The following OVCH1 variants were observed in gnomAD, a reference collection of about 807,000 sequenced individuals.
OVCH1 encodes the protein ovochymase-1.
OVCH1 carries 139 observed loss-of-function variants against 138.4 expected under a neutral mutation model. The ratio of observed to expected loss-of-function variants is 1.00; its 90% CI spans 0.87 to 1.16. The LOEUF (loss-of-function observed/expected upper bound fraction) is 1.16. OVCH1 is among the 50% of genes most tolerant of loss of function. OVCH1 has a pLI of 0.00. For missense variants in OVCH1, 1,367 were observed against 1,357.9 expected (o/e 1.01, Z -0.11); for synonymous variants, 453 against 467.8 (o/e 0.97, Z 0.41).
At chr12:29,440,950 T>C (rs963327545) in intron 25 of OVCH1, among the ~76,000 whole-genome samples, 1 of 152,166 alleles carries the variant, frequency 6.6e-6, no homozygotes, top group Non-Finnish European at 1.5e-5. Flanking sequence ...TCTCTGGGCT[T>C]TTACTTCATT....
At chr12:29,477,311 G>T in intron 11 of OVCH1, 30 bp downstream of exon 11, 1 of 1,613,588 alleles carries the variant, frequency 6.2e-7, no homozygotes, top group South Asian at 1.1e-5. Flanking sequence ...AAGGGAAAAT[G>T]GCAAGGAATT....
intron 22 of OVCH1, among the ~76,000 whole-genome samples, chr12:29,447,437 AAGTT>A (rs1431419370): frequency 6.6e-6 from 1 of 152,208 alleles, no homozygotes; most frequent in Non-Finnish European, 1.5e-5. Context: ...AGTGAAAATT[AAGTT>A]AGCCTTTCTG....
At chr12:29,460,304 G>A (rs1342606545) in intron 19 of OVCH1, among the ~76,000 whole-genome samples, 2 of 152,164 alleles carry the variant, frequency 1.3e-5, no homozygotes, top group African/African-American at 4.8e-5. Context: ...ATAATTAGTT[G>A]TGATTTTCTT....
Position 29,465,139 on chromosome 12 carries a change from T to A in OVCH1, c.1929+8A>T. ...CAGGCAGAATGACCTGTAAAAACAT[T>A]TTTTCACCTGCTCTGTTGATTCCTT... On this transcript the variant is annotated splice_region_variant and intron_variant, in intron 17 of 27. Transcript: ENST00000318184. 1 of 1,592,702 alleles carries A rather than the reference T, an allele frequency of 6.3e-7. No individual in the cohort carries two copies. Among genetic ancestry groups the A allele is most frequent in the Non-Finnish European group, 8.6e-7 (1 of 1,168,368 alleles).
At chr12:29,477,027 T>C in intron 12 of OVCH1, 75 bp downstream of exon 12, 1 of 1,417,736 alleles carries the variant, frequency 7.1e-7, no homozygotes, top group Non-Finnish European at 9.3e-7. Flanking sequence ...AATTTAACAA[T>C]CCAGATGAAT....
At chr12:29,414,944 T>C (rs1941012951) in intron 3 of OVCH1, among the ~76,000 whole-genome samples, 1 of 152,130 alleles carries the variant, frequency 6.6e-6, no homozygotes. Context: ...ATAGGTATAT[T>C]ATTACAACTA....
chr12:29,455,470 T>C, intron 19 of OVCH1, 65 bp from the exon 20 acceptor site: 1 of 1,498,164 alleles, frequency 6.7e-7, no homozygotes, highest in Non-Finnish European at 9.0e-7. Context: ...TTTCAGTTTT[T>C]AGAACAAGAA....
intron 19 of OVCH1, among the ~76,000 whole-genome samples, chr12:29,458,410 A>G (rs1942024298): frequency 6.6e-6 from 1 of 151,472 alleles, no homozygotes; most frequent in Non-Finnish European, 1.5e-5. Context: ...AGTCACTTTG[A>G]TAAATGGTGC....
intron 1 of OVCH1, 38 bp from the exon 2 acceptor site, chr12:29,496,712 CT>C (rs1565619520): frequency 4.1e-6 from 6 of 1,460,996 alleles, no homozygotes; most frequent in Non-Finnish European, 5.7e-6. Flanking sequence ...CACACAGAGC[CT>C]TATGTAAGAG....
At chr12:29,472,246 G>C (rs11614288) in intron 15 of OVCH1, among the ~76,000 whole-genome samples, 24,055 of 152,126 alleles carry the variant, frequency 0.16, 2,018 homozygotes, top group African/African-American at 0.22. Context: ...CCATTTGCTA[G>C]GCACTGTTCC....
At chr12:29,458,798 CTAA>C (rs1942035481) in intron 19 of OVCH1, among the ~76,000 whole-genome samples, 1 of 149,274 alleles carries the variant, frequency 6.7e-6, no homozygotes, top group Admixed American at 6.6e-5. Flanking sequence ...TAGAAAAAAT[CTAA>C]TAATCTGATT....
At chr12:29,407,447 G>T in the OVCH1 span, among the ~76,000 whole-genome samples, 1 of 151,234 alleles carries the variant, frequency 6.6e-6, no homozygotes, top group Non-Finnish European at 1.5e-5. Context: ...TAGCTCTAAT[G>T]TGTAAGTCTT....
At chr12:29,479,019 G>A (rs1942837706) in intron 8 of OVCH1, 51 bp from the exon 10 acceptor site, 3 of 647,504 alleles carry the variant, frequency 4.6e-6, no homozygotes, top group South Asian at 3.1e-5. Flanking sequence ...AGTCAGATTT[G>A]CTAAATAAAA....
chr12:29,462,635 C>T (rs1330928256), intron 18 of OVCH1, among the ~76,000 whole-genome samples: 1 of 151,790 alleles, frequency 6.6e-6, no homozygotes, highest in Non-Finnish European at 1.5e-5. Context: ...ATTTTATAGC[C>T]CTATACCTTT....
At chr12:29,444,224 C>G (rs752058732) in exon 24 of OVCH1, 14 of 1,612,374 alleles carry the variant, frequency 8.7e-6, no homozygotes, top group East Asian at 2.2e-5. Context: ...TCACAAGGGA[C>G]CAAGTGCTCT....
At chr12:29,428,205 A>G (rs1297547011) in intron 27 of OVCH1, among the ~76,000 whole-genome samples, 2 of 152,166 alleles carry the variant, frequency 1.3e-5, no homozygotes, top group Admixed American at 6.5e-5. Flanking sequence ...AGGAACTGCT[A>G]CTGCTTTACC....
At chr12:29,431,776 A>C (rs1317072594) in intron 27 of OVCH1, among the ~76,000 whole-genome samples, 1 of 152,202 alleles carries the variant, frequency 6.6e-6, no homozygotes, top group Non-Finnish European at 1.5e-5. Flanking sequence ...GTCACGAAAA[A>C]CATGTCTACA....
intron 8 of OVCH1, among the ~76,000 whole-genome samples, chr12:29,480,779 A>G (rs1426886407): frequency 1.3e-5 from 2 of 152,084 alleles, no homozygotes; most frequent in Non-Finnish European, 2.9e-5. Flanking sequence ...CCTTCTTTAT[A>G]TTATCTCTGT....
At chr12:29,414,742 A>AT (rs1265843446) in intron 3 of OVCH1, among the ~76,000 whole-genome samples, 16 of 152,182 alleles carry the variant, frequency 1.1e-4, no homozygotes, top group East Asian at 3.9e-4. Flanking sequence ...CCTGGAAAAA[A>AT]AAAATATATA....
Sources: gnomAD v4.1 joint callset for allele counts (sites outside exome capture counted in the v4.1 genomes callset) on GRCh38, gnomAD v4.1.1 for gene constraint, MANE v1.5 for transcripts, NCBI Gene and HGNC (gene_info 2026-07-23, HGNC 2026-07-21) for gene names.